Variants in ZFC3H1 observed in about 807,000 individuals in gnomAD.
ZFC3H1 encodes zinc finger C3H1-type containing, also known as zinc finger C3H1 domain-containing protein.
ZFC3H1 carries 71 observed loss-of-function variants against 243.7 expected under a neutral mutation model. The observed-to-expected ratio is 0.29, with a 90% CI of 0.24 to 0.36. ZFC3H1 has a LOEUF of 0.36. Among genes scored for constraint, ZFC3H1 ranks in the 10% least tolerant of loss-of-function variants. The pLI is 1.00. For missense variants in ZFC3H1, 1,966 were observed against 2,317.1 expected (o/e 0.85, Z 3.11); for synonymous variants, 838 against 813.0 (o/e 1.03, Z -0.52).
chr12:71,620,356 TA>T, intron 24 of ZFC3H1, 41 bp from the exon 25 acceptor site: 1 of 1,597,828 alleles, frequency 6.3e-7, no homozygotes, highest in Non-Finnish European at 8.6e-7. Context: ...ACGTCAATCA[TA>T]AAAATGAAAT....
At position 71,611,102 on chromosome 12, in the gene ZFC3H1, G is replaced by GAAA. The variant is rs770801493; in HGVS notation, c.5730-6_5730-5insTTT. 9 of 1,111,506 alleles carry GAAA rather than the reference G, an allele frequency of 8.1e-6. No homozygotes were observed. The highest frequency in any genetic ancestry group is 7.0e-5 in the South Asian group (3 of 42,988). The allele number at this position is 1,111,506 out of a possible 1,614,324, so 68.9% of individuals were successfully genotyped here. ...ACAATCTCAGCAGCAATGGCTCTAA[G>GAAA]AGAAAAAAAAAAAAAAAGAAATATA... On this transcript the variant is annotated splice_polypyrimidine_tract_variant and splice_region_variant and intron_variant, in intron 32 of 34. Transcript: ENST00000378743.
chr12:71,630,756 G>A, intron 17 of ZFC3H1, 35 bp from the exon 18 acceptor site: 1 of 1,610,094 alleles, frequency 6.2e-7, no homozygotes, highest in Admixed American at 1.7e-5. Context: ...AGATAATCAT[G>A]TACATATCAA....
intron 6 of ZFC3H1, among the ~76,000 whole-genome samples, chr12:71,641,723 A>T (rs185624067): frequency 6.6e-6 from 1 of 152,358 alleles, no homozygotes. Flanking sequence ...AAATTATCGT[A>T]CTAGAAAGAG....
At chr12:71,652,942 A>G (rs1207396231) in intron 2 of ZFC3H1, among the ~76,000 whole-genome samples, 1 of 151,340 alleles carries the variant, frequency 6.6e-6, no homozygotes, top group Non-Finnish European at 1.5e-5. Flanking sequence ...ACTTCCCACC[A>G]CTAAAATTCA....
intron 1 of ZFC3H1, among the ~76,000 whole-genome samples, chr12:71,659,550 T>G (rs943017692): frequency 8.6e-5 from 13 of 151,564 alleles, no homozygotes; most frequent in African/African-American, 3.2e-4. Context: ...TACTTTTCAC[T>G]GGAGCCATTT....
chr12:71,619,560 A>G, intron 26 of ZFC3H1, 151 bp from the exon 27 acceptor site: 2 of 661,444 alleles, frequency 3.0e-6, no homozygotes, highest in Non-Finnish European at 5.0e-6. Flanking sequence ...AGACATACTC[A>G]GAAAACTTTT....
At chr12:71,641,808 G>C (rs1206136074) in intron 6 of ZFC3H1, among the ~76,000 whole-genome samples, 1 of 152,126 alleles carries the variant, frequency 6.6e-6, no homozygotes, top group African/African-American at 2.4e-5. Context: ...TAAAGATCAA[G>C]AGTTTGTTTT....
In ZFC3H1 at chr12:71,613,426, A is replaced by T. The variant is rs1420013843; in HGVS notation, c.5536T>A (p.Phe1846Ile). The T allele has an allele frequency of 6.2e-7, 1 of 1,606,680 alleles. No homozygotes were observed. Residue 1846 changes from phenylalanine to isoleucine, a missense_variant, in exon 31 of 35, where the codon TTT becomes ATT. Phe to Ile is a conservative substitution (Grantham distance 21, BLOSUM62 0). Around this residue, in one of 4 missense-constraint regions of ZFC3H1, gnomAD observed 1,383 missense variants for 1,723.7 expected, o/e 0.80. Coordinates refer to ENST00000378743, the MANE Select transcript of ZFC3H1 (RefSeq NM_144982.5). ...NYEFHNRVIF[F>I]YLSCVPKTQH... The stretch of plus-strand genomic sequence containing the variant: ...GTCTTTGGAACACAGCTCAAATAAA[A>T]GAAAATAACCTGTAAAGGTTGAGGG...
Position 71,636,582 on chromosome 12 carries a change from G to A in ZFC3H1, c.2008C>T (p.Leu670=), listed in dbSNP as rs532999627. ...ACTGTGTTAATACTGACTATTGATA[G>A]ATTGCTTCTTGGCACAGGATGTGAA... ...NNSHPVPRSN[L]SIVSINTVSQ... The change falls in exon 9 of 35, where the codon CTA becomes TTA. Residue 670 remains leucine (L), a synonymous_variant. Transcript: ENST00000378743. The A allele has an allele frequency of 1.1e-5, 17 of 1,613,944 alleles. No individual in the cohort carries two copies. In the African/African-American group the frequency reaches 1.9e-4, roughly 18 times the overall value.
Position 71,626,444 on chromosome 12 carries a change from T to A in ZFC3H1, c.4133A>T (p.Glu1378Val). The A allele has an allele frequency of 6.2e-7, 1 of 1,602,420 alleles. No individual in the cohort carries two copies. The highest frequency in any genetic ancestry group is 8.5e-7 in the Non-Finnish European group (1 of 1,173,904). The change falls in exon 22 of 35, where the codon GAG (glutamate) becomes GTG (valine). Residue 1378 changes from glutamate (E) to valine (V), a missense_variant and splice_region_variant. Coordinates refer to ENST00000378743, the MANE Select transcript of ZFC3H1 (RefSeq NM_144982.5). ...AYKYLNQNEG[E>V]CSESLDSALN... ...AGCAGAATCCAAGGATTCTGAGCAC[T>A]CCCTGTATATATAAAAGAAAAGGTG...
At chr12:71,648,220 T>C (rs1196808290) in intron 2 of ZFC3H1, among the ~76,000 whole-genome samples, 1 of 152,222 alleles carries the variant, frequency 6.6e-6, no homozygotes, top group Non-Finnish European at 1.5e-5. Context: ...ATGAATGCAA[T>C]GTTTACAGAC....
Position 71,614,900 on chromosome 12 carries a change from A to G in ZFC3H1, c.5294T>C (p.Val1765Ala), listed in dbSNP as rs763490067. 6 of 1,613,908 alleles carry G rather than the reference A, an allele frequency of 3.7e-6. No homozygotes were observed. The South Asian group carries it at 6.6e-5, about 18-fold the overall frequency. ...CCCTAATGCTGCCTCATATGCCTCC[A>G]CTGTTTCTTTAATACTTGATTGAAG... ...HPLQSSIKET[V>A]EAYEAALGVA... Residue 1765 changes from valine (V) to alanine (A), a missense_variant, in exon 29 of 35, where the codon GTG becomes GCG. Transcript: ENST00000378743.
At chr12:71,611,380 A>C (rs1318366959) in intron 32 of ZFC3H1, 17 of 241,766 alleles carry the variant, frequency 7.0e-5, no homozygotes, top group South Asian at 1.7e-4. Flanking sequence ...CAAAAAAAAA[A>C]CACCTCATAA....
rs1223574642 is a variant in ZFC3H1, at chr12:71,630,915, C to T, written c.3510G>A (p.Leu1170=). 1 of 1,612,140 alleles carries T rather than the reference C, an allele frequency of 6.2e-7. No homozygotes were observed. The highest frequency in any genetic ancestry group is 1.3e-5 in the African/African-American group (1 of 75,000). The part of the protein sequence containing the change: ...PYYRTKEKLP[L]SSVSYSNMIE... The stretch of plus-strand genomic sequence containing the variant: ...TCATATTACTGTATGATACTGAGCT[C>T]AGGGGAAGTTTTTCCTTGGTTCGAT... The change falls in exon 17 of 35, where the codon CTG becomes CTA. Residue 1170 remains leucine, a synonymous_variant. Transcript: ENST00000378743.
chr12:71,617,105 G>C (rs1409820113), intron 27 of ZFC3H1, among the ~76,000 whole-genome samples: 1 of 152,098 alleles, frequency 6.6e-6, no homozygotes, highest in Non-Finnish European at 1.5e-5. Context: ...AAAAATTATA[G>C]TGCTAAGCAT....
At chr12:71,645,130 C>T in intron 3 of ZFC3H1, 55 bp from the exon 4 acceptor site, 2 of 1,461,014 alleles carry the variant, frequency 1.4e-6, no homozygotes, top group South Asian at 1.4e-5. Context: ...TTAGCTTACA[C>T]ATTTCATCAA....
intron 9 of ZFC3H1, among the ~76,000 whole-genome samples, 161 bp from the exon 10 acceptor site, chr12:71,635,741 A>T (rs1022546622): frequency 1.3e-5 from 2 of 152,164 alleles, no homozygotes; most frequent in Non-Finnish European, 2.9e-5. Context: ...TGGTTATATG[A>T]CTGAGACATA....
At chr12:71,655,645 A>G (rs1278021023) in intron 2 of ZFC3H1, among the ~76,000 whole-genome samples, 1 of 152,186 alleles carries the variant, frequency 6.6e-6, no homozygotes, top group Non-Finnish European at 1.5e-5. Flanking sequence ...ACACGAAGTT[A>G]GATTAAAACT....
rs530849842 is a variant in ZFC3H1, at chr12:71,622,607, C to T, written c.4744+753G>A. Among the ~76,000 whole-genome samples, 179 of 152,198 alleles carry T rather than the reference C, an allele frequency of 1.2e-3. 1 individual carries two copies. Among genetic ancestry groups the T allele is most frequent in the African/African-American group, 4.0e-3 (168 of 41,528 alleles). On this transcript the variant is annotated intron_variant, in intron 24 of 34. Transcript: ENST00000378743. ...CCTCCCGAGTAGCTGGGAATACAGG[C>T]GTGAATCACCACGCCCGGCTAAATT... is the stretch of plus-strand genomic sequence containing the variant.
Sources: allele counts gnomAD v4.1 joint callset (sites outside exome capture counted in the v4.1 genomes callset), GRCh38; gene constraint gnomAD v4.1.1; regional missense constraint gnomAD v4.1.1; transcripts MANE v1.5; gene names NCBI Gene and HGNC (gene_info 2026-07-23, HGNC 2026-07-21).